LAMC1: variants seen among roughly 807,000 people sequenced by gnomAD.
LAMC1 encodes the protein laminin subunit gamma 1.
Under a neutral mutation model 173.6 loss-of-function variants are expected in LAMC1, and 38 were observed. That is an observed-to-expected ratio of 0.22 (90% confidence interval 0.17 to 0.29). The LOEUF is 0.29. Among genes scored for constraint, LAMC1 ranks in the 10% least tolerant of loss-of-function variants. The pLI is 1.00. For missense variants in LAMC1, 1,824 were observed against 2,051.8 expected, an observed-to-expected ratio of 0.89 and a Z score of 2.14; for synonymous variants, 746 against 749.1, an observed-to-expected ratio of 1.00 and a Z score of 0.07.
intron 1 of LAMC1, among the ~76,000 whole-genome samples, chr1:183,031,476 G>A (rs1653848679): frequency 6.6e-6 from 1 of 151,984 alleles, no homozygotes; most frequent in Non-Finnish European, 1.5e-5. Context: ...AGCTAATTTT[G>A]TATTTTTAGT....
At chr1:183,113,444 C>A (rs1398443344) in intron 4 of LAMC1, among the ~76,000 whole-genome samples, 1 of 152,078 alleles carries the variant, frequency 6.6e-6, no homozygotes, top group Non-Finnish European at 1.5e-5. Context: ...CCAAATAAAA[C>A]TTCTTTTTAT....
At chr1:183,122,920 AGGCCCAG>A (rs1478374916) in intron 13 of LAMC1, among the ~76,000 whole-genome samples, 2 of 152,054 alleles carry the variant, frequency 1.3e-5, no homozygotes, top group Admixed American at 6.6e-5. Flanking sequence ...CCACCACCTG[AGGCCCAG>A]GGTATGGAGC....
intron 1 of LAMC1, among the ~76,000 whole-genome samples, chr1:183,029,512 T>C (rs778579541): frequency 2.8e-4 from 42 of 152,244 alleles, no homozygotes; most frequent in Admixed American, 5.9e-4. Context: ...TCCAAACTCC[T>C]TGGCGTGGTG....
chr1:183,072,763 T>A (rs1197296109), intron 1 of LAMC1, among the ~76,000 whole-genome samples: 4 of 152,202 alleles, frequency 2.6e-5, no homozygotes, highest in African/African-American at 9.6e-5. Context: ...AGCTCTGCCT[T>A]CTGTCAGGTC....
rs1212634685 is a variant in LAMC1 at position 183,125,488 on chromosome 1, C to T, written c.2739C>T (p.Gly913=). 1 of 1,613,686 alleles carries T rather than the reference C, an allele frequency of 6.2e-7. No homozygotes were observed. The highest frequency in any genetic ancestry group is 8.5e-7 in the Non-Finnish European group (1 of 1,179,616). The change falls in exon 15 of 28, where the codon GGC becomes GGT. Residue 913 remains glycine, a synonymous_variant. Transcript: ENST00000258341. ...GQCECLPHVT[G]QDCGACDPGF... Reference sequence around the variant, plus strand: ...GTGAATGTTTGCCTCACGTGACTGGCCAGGACTGTGGTGCTTGTGACCCTG... The same window carrying T: ...GTGAATGTTTGCCTCACGTGACTGGTCAGGACTGTGGTGCTTGTGACCCTG...
chr1:183,023,441 A>C lies in LAMC1; in HGVS notation c.-276A>C. ...GCGCGCACTCGGGCACGCGCTCGGA[A>C]GTCGGGGGTCGGCGCGGAGTGCAGG... On this transcript the variant is annotated 5_prime_UTR_variant, in exon 1 of 28. Transcript: ENST00000258341. The C allele has an allele frequency of 4.7e-5, 8 of 169,196 alleles. No individual in the cohort carries two copies. The highest frequency in any genetic ancestry group is 2.0e-4 in the South Asian group (1 of 4,884). The allele number at this position is 169,196 out of a possible 1,614,324, so 10.5% of individuals were successfully genotyped here. A position where few individuals can be genotyped will look rare whatever the true frequency, so the allele number is the denominator to read the frequency against.
intron 1 of LAMC1, among the ~76,000 whole-genome samples, chr1:183,072,613 C>T (rs1655036768): frequency 6.6e-6 from 1 of 152,178 alleles, no homozygotes; most frequent in South Asian, 2.1e-4. Flanking sequence ...AAACAGGGGT[C>T]CCCAACCCCT....
chr1:183,134,839 C>A, intron 23 of LAMC1, 30 bp downstream of exon 23: 1 of 1,605,208 alleles, frequency 6.2e-7, no homozygotes, highest in Non-Finnish European at 8.5e-7. Context: ...CGCTTCATTT[C>A]TTGAGGCAAC....
At chr1:183,130,032 C>T (rs1656737463) in intron 18 of LAMC1, among the ~76,000 whole-genome samples, 1 of 152,194 alleles carries the variant, frequency 6.6e-6, no homozygotes, top group South Asian at 2.1e-4. Context: ...CAGTCATTCT[C>T]ACCTTCATTA....
Position 183,137,488 on chromosome 1 carries a change from T to TG in LAMC1, c.4315-181_4315-180insG, listed in dbSNP as rs3835740. 0.53 allele frequency among the ~76,000 whole-genome samples: 80,613 copies of TG among 151,888 alleles called. 21,874 individuals carry two copies. The highest frequency in any genetic ancestry group is 0.64 in the South Asian group (3,115 of 4,830). On this transcript the variant is annotated intron_variant, in intron 25 of 27. Transcript: ENST00000258341. ...CAAAATGTTATTATGTGGGTAGTAATTTTTTTTATGATTATTTATAACCCA... is the reference window on the plus strand; with the variant it reads ...CAAAATGTTATTATGTGGGTAGTAATGTTTTTTTATGATTATTTATAACCCA...
chr1:183,103,320 TC>T lies in LAMC1; in HGVS notation c.419-5del, dbSNP rs760912906. The T allele has an allele frequency of 1.9e-6, 3 of 1,610,740 alleles. No homozygotes were observed. The South Asian group carries it at 3.3e-5, about 18-fold the overall frequency. On this transcript the variant is annotated splice_polypyrimidine_tract_variant and splice_region_variant and intron_variant, in intron 1 of 27. Transcript: ENST00000258341. The stretch of plus-strand genomic sequence containing the variant: ...TGATTTATGACCTTTGATGTGTTTG[TC>T]CCACAGGAAAAGCTTTTGACATCAC...
chr1:183,054,806 A>G (rs1378132061), intron 1 of LAMC1, among the ~76,000 whole-genome samples: 5 of 152,126 alleles, frequency 3.3e-5, no homozygotes, highest in Admixed American at 2.0e-4. Flanking sequence ...ATAGACTTCT[A>G]GGACCACAGC....
At chr1:183,101,671 T>G (rs529090071) in intron 1 of LAMC1, among the ~76,000 whole-genome samples, 1 of 152,116 alleles carries the variant, frequency 6.6e-6, no homozygotes, top group East Asian at 1.9e-4. Context: ...AGGGATTGTC[T>G]TCATTTTTAC....
Position 183,144,369 on chromosome 1 carries a change from A to G in LAMC1, c.*1579A>G, listed in dbSNP as rs984716156. ...TACTTAGTCCTATTTCTAGAATGACACTCTGTTCACTTTGCTCAATTTTTC... is the reference window on the plus strand; with the variant it reads ...TACTTAGTCCTATTTCTAGAATGACGCTCTGTTCACTTTGCTCAATTTTTC... On this transcript the variant is annotated 3_prime_UTR_variant, in exon 28 of 28. Transcript: ENST00000258341. 1 of 152,472 alleles carries G rather than the reference A, an allele frequency of 6.6e-6. No individual in the cohort carries two copies. The allele number at this position is 152,472 out of a possible 1,614,324, so 9.4% of individuals were successfully genotyped here.
chr1:183,077,832 TG>T (rs979361903), intron 1 of LAMC1, among the ~76,000 whole-genome samples: 1 of 144,320 alleles, frequency 6.9e-6, no homozygotes, highest in Non-Finnish European at 1.5e-5. Context: ...CATTGATTGA[TG>T]GACATTTGGG....
intron 1 of LAMC1, among the ~76,000 whole-genome samples, chr1:183,037,105 T>C (rs1046682028): frequency 6.6e-6 from 1 of 152,244 alleles, no homozygotes; most frequent in Admixed American, 6.5e-5. Flanking sequence ...GGAAGACTTG[T>C]AGGTTTTGGG....
intron 22 of LAMC1, 63 bp downstream of exon 22, chr1:183,133,613 G>A (rs1270266072): frequency 1.9e-5 from 28 of 1,468,700 alleles, no homozygotes; most frequent in South Asian, 8.3e-5. Flanking sequence ...TGTGAGAGCC[G>A]ACTGCTCTGC....
Position 183,103,306 on chromosome 1 carries a change from C to T in LAMC1, c.419-22C>T, listed in dbSNP as rs912789923. On this transcript the variant is annotated intron_variant, in intron 1 of 27. Coordinates refer to ENST00000258341, the MANE Select transcript of LAMC1 (RefSeq NM_002293.4). ...TTGCTTCATACGTATGATTTATGAC[C>T]TTTGATGTGTTTGTCCCACAGGAAA... The T allele has an allele frequency of 3.1e-6, 5 of 1,604,620 alleles. No homozygotes were observed. The East Asian group carries it at 6.7e-5, about 21-fold the overall frequency.
At position 183,137,677 on chromosome 1, in the gene LAMC1, C is replaced by T. The variant is rs760202657; in HGVS notation, c.4323C>T (p.Thr1441=). 5 of 1,583,542 alleles carry T rather than the reference C, an allele frequency of 3.2e-6. No individual in the cohort carries two copies. The African/African-American group carries it at 4.1e-5, about 13-fold the overall frequency. ...TTTTCTTTTGTGCCTAGAATGCCAC[C>T]AGCACCAAGGCAGAAGCTGAAAGAA... ...RIASAVQKNA[T]STKAEAERTF... is the part of the protein sequence containing the mutation. Residue 1441 remains threonine (T), a synonymous_variant, in exon 26 of 28, where the codon ACC becomes ACT. Coordinates refer to ENST00000258341, the MANE Select transcript of LAMC1 (RefSeq NM_002293.4).
Sources: gnomAD v4.1 joint callset for allele counts (sites outside exome capture counted in the v4.1 genomes callset) on GRCh38, gnomAD v4.1.1 for gene constraint, MANE v1.5 for transcripts, NCBI Gene and HGNC (gene_info 2026-07-23, HGNC 2026-07-21) for gene names.